The following PCDHA3 variants were observed in gnomAD, a reference collection of about 807,000 sequenced individuals.
The protein encoded by PCDHA3 is protocadherin alpha 3.
In PCDHA3, 41 loss-of-function variants were observed where a neutral mutation model predicts 62.2. The ratio of observed to expected loss-of-function variants is 0.66; its 90% CI spans 0.51 to 0.86. PCDHA3 has a LOEUF of 0.86. PCDHA3 is among the 40% of genes least tolerant of loss of function. PCDHA3 has a pLI of 0.00. For synonymous variants in PCDHA3, 640 were observed against 555.4 expected (o/e 1.15, Z -2.14); for missense variants, 1,304 against 1,241.2 (o/e 1.05, Z -0.76).
intron 1 of PCDHA3, chr5:140,824,162 C>A (rs2150132827): frequency 6.0e-5 from 97 of 1,611,100 alleles, no homozygotes; most frequent in Non-Finnish European, 3.5e-5. Context: ...ATCTTTCCCT[C>A]CCAATTTTCA....
chr5:140,875,054 C>A (rs2055251816), intron 1 of PCDHA3, among the ~76,000 whole-genome samples: 1 of 152,146 alleles, frequency 6.6e-6, no homozygotes, highest in Non-Finnish European at 1.5e-5. Flanking sequence ...TACTTTGAAG[C>A]AGAAAACATT....
At chr5:140,822,399 T>C in intron 1 of PCDHA3, 2 of 1,614,072 alleles carry the variant, frequency 1.2e-6, no homozygotes, top group Non-Finnish European at 1.7e-6. Flanking sequence ...AAGAACACCG[T>C]TTATTAGTGA....
chr5:140,934,040 T>C (rs185239175), intron 1 of PCDHA3, among the ~76,000 whole-genome samples: 230 of 152,238 alleles, frequency 1.5e-3, no homozygotes, highest in African/African-American at 5.3e-3. Flanking sequence ...ATTAATGATA[T>C]TAGTCTTTCC....
intron 1 of PCDHA3, chr5:140,869,756 GA>G: frequency 6.2e-7 from 1 of 1,613,194 alleles, no homozygotes; most frequent in South Asian, 1.1e-5. Context: ...ACAGACGGGG[GA>G]AAACCAGAGC....
At position 140,997,438 on chromosome 5, in the gene PCDHA3, A is replaced by G. The variant is rs182158337; in HGVS notation, c.2543-12189A>G. ...CTCCTAGGCTACAAACCTGTATATC[A>G]TGTTACTATACTGAATACTGTAGGC... On this transcript the variant is annotated intron_variant, in intron 3 of 3. Transcript: ENST00000522353. Among the ~76,000 whole-genome samples, 274 of 152,308 alleles carry G rather than the reference A, an allele frequency of 1.8e-3. 2 individuals are homozygous for G. The highest frequency in any genetic ancestry group is 6.0e-3 in the African/African-American group (248 of 41,560).
intron 1 of PCDHA3, among the ~76,000 whole-genome samples, chr5:140,913,757 T>C (rs577091404): frequency 6.6e-6 from 1 of 152,282 alleles, no homozygotes; most frequent in South Asian, 2.1e-4. Context: ...TTGTATCTCA[T>C]AGGTTTTGGC....
Position 140,914,628 on chromosome 5 carries a change from G to A in PCDHA3, c.2395-64321G>A, listed in dbSNP as rs540654869. 1.3e-4 allele frequency among the ~76,000 whole-genome samples: 19 copies of A among 151,834 alleles called. No homozygotes were observed. The South Asian group carries it at 1.7e-3, about 13-fold the overall frequency. ...CTGCCATTTTGTAATTTGTTTTCTC[G>A]TGGTTTCATGGTCATCTCTCCCTTC... is the stretch of plus-strand genomic sequence containing the variant. On this transcript the variant is annotated intron_variant, in intron 1 of 3. Transcript: ENST00000522353.
rs73793550 is a variant in PCDHA3 at position 140,989,564 on chromosome 5, C to T, written c.2542+7001C>T. On this transcript the variant is annotated intron_variant, in intron 3 of 3. Transcript: ENST00000522353. ...GTAATTCCTTTACGTTTTGTGGCTC[C>T]GGCAAGCCCTGTCCTCAGCCTCACT... is the stretch of plus-strand genomic sequence containing the variant. Among the ~76,000 whole-genome samples the T allele has an allele frequency of 6.0e-3, 907 of 152,216 alleles. 13 individuals carry two copies. Among genetic ancestry groups the T allele is most frequent in the African/African-American group, 0.021 (852 of 41,530 alleles).
intron 1 of PCDHA3, chr5:140,808,292 A>C (rs1764139529): frequency 6.2e-7 from 1 of 1,614,270 alleles, no homozygotes; most frequent in South Asian, 1.1e-5. Flanking sequence ...GGGTACAGTC[A>C]TCGCCCTGAT....
intron 1 of PCDHA3, chr5:140,863,507 T>A: frequency 2.4e-6 from 1 of 420,150 alleles, no homozygotes. Flanking sequence ...CTTTTAGTCC[T>A]AGTGTTCTCC....
At chr5:140,850,277 G>A (rs2150477192) in intron 1 of PCDHA3, 1 of 1,595,522 alleles carries the variant, frequency 6.3e-7, no homozygotes, top group South Asian at 1.1e-5. Flanking sequence ...TGGGGAAGGT[G>A]CGCGCAGTGG....
At chr5:140,823,742 C>A (rs1767853747) in intron 1 of PCDHA3, 5 of 1,613,716 alleles carry the variant, frequency 3.1e-6, no homozygotes, top group East Asian at 2.2e-5. Flanking sequence ...CATGGAGAGC[C>A]CCCGCTGACA....
intron 1 of PCDHA3, chr5:140,877,685 C>A (rs377753884): frequency 1.2e-6 from 2 of 1,613,628 alleles, no homozygotes; most frequent in Non-Finnish European, 1.7e-6. Context: ...GGCAAGCCCA[C>A]GCTGGTGTGC....
rs2150210782 is a variant in PCDHA3, at chr5:140,833,751, A to AACAC, written c.2394+30173_2394+30176dup. Among the ~76,000 whole-genome samples the AACAC allele has an allele frequency of 5.0e-4, 75 of 151,354 alleles. 1 individual carries two copies. Among genetic ancestry groups the AACAC allele is most frequent in the Middle Eastern group, 3.4e-3 (1 of 294 alleles). ...AATGTTTCTTGCCTCCTAAAAAGAA[A>AACAC]ACACACACACACACACCGCTTTCTA... On this transcript the variant is annotated intron_variant, in intron 1 of 3. Coordinates refer to ENST00000522353, the MANE Select transcript of PCDHA3 (RefSeq NM_018906.3).
Position 141,010,405 on chromosome 5 carries a change from C to G in PCDHA3, c.*468C>G. On this transcript the variant is annotated 3_prime_UTR_variant, in exon 4 of 4. Transcript: ENST00000522353. ...ATTGGCTGAGACGAGCCAGCTTAGA[C>G]TAATTGGTACAAGGAAGGCAAGAAA... 1 of 1,260,098 alleles carries G rather than the reference C, an allele frequency of 7.9e-7. No homozygotes were observed. Among genetic ancestry groups the G allele is most frequent in the South Asian group, 1.6e-5 (1 of 64,208 alleles). 78.1% of individuals were successfully genotyped at this position (1,260,098 alleles called of 1,614,324 possible). A position where few individuals can be genotyped will look rare whatever the true frequency, so the allele number is the denominator to read the frequency against.
intron 1 of PCDHA3, chr5:140,866,269 TAAAG>T (rs2049248752): frequency 2.6e-5 from 4 of 152,174 alleles, no homozygotes; most frequent in Admixed American, 2.6e-4. Context: ...TTACTGTGAA[TAAAG>T]ACAGTGTTTG....
intron 1 of PCDHA3, among the ~76,000 whole-genome samples, chr5:140,959,041 T>C (rs1291778863): frequency 2.6e-5 from 4 of 152,118 alleles, no homozygotes; most frequent in Non-Finnish European, 5.9e-5. Flanking sequence ...GGTATGTATG[T>C]ATAGGAAAAA....
At chr5:140,859,846 T>C (rs1156718746) in intron 1 of PCDHA3, 1 of 152,114 alleles carries the variant, frequency 6.6e-6, no homozygotes. Context: ...TTTTATCAAA[T>C]AGGTTTATGA....
intron 1 of PCDHA3, among the ~76,000 whole-genome samples, chr5:140,895,936 G>A (rs1428112046): frequency 6.6e-6 from 1 of 151,984 alleles, no homozygotes; most frequent in Non-Finnish European, 1.5e-5. Context: ...TCAGCCTCCC[G>A]AGTAGCTGGG....
Sources: allele counts gnomAD v4.1 joint callset (sites outside exome capture counted in the v4.1 genomes callset), GRCh38; gene constraint gnomAD v4.1.1; transcripts MANE v1.5; gene names NCBI Gene and HGNC (gene_info 2026-07-23, HGNC 2026-07-21).